The following NRCAM variants were observed in gnomAD, a reference collection of about 807,000 sequenced individuals.
NRCAM encodes NgCAM-related cell adhesion molecule.
In NRCAM, 83 loss-of-function variants were observed where a neutral mutation model predicts 156.5. The ratio of observed to expected loss-of-function variants is 0.53; its 90% CI spans 0.44 to 0.64. NRCAM has a LOEUF of 0.64. NRCAM is among the 30% of genes least tolerant of loss of function. The probability of loss-of-function intolerance (pLI) is 0.00; values close to 1 mark genes in which losing one functional copy is unlikely to be tolerated. For synonymous variants in NRCAM, 538 were observed against 563.9 expected (o/e 0.95, Z 0.65); for missense variants, 1,417 against 1,597.3 (o/e 0.89, Z 1.92).
Position 108,239,947 on chromosome 7 carries a change from G to A in NRCAM, c.106+12C>T, listed in dbSNP as rs1459734731. On this transcript the variant is annotated intron_variant, in intron 4 of 32. Coordinates refer to ENST00000379028, the MANE Select transcript of NRCAM (RefSeq NM_001037132.4). ...CTCCTGGGCCTAACAGCTTTAAAAC[G>A]TTAATACTTACGATCAAGAGGTACT... The A allele has an allele frequency of 1.5e-5, 24 of 1,573,394 alleles. No individual in the cohort carries two copies. Among genetic ancestry groups the A allele is most frequent in the Middle Eastern group, 1.7e-4 (1 of 5,978 alleles).
intron 30 of NRCAM, among the ~76,000 whole-genome samples, chr7:108,162,422 T>A (rs1389417959): frequency 6.6e-6 from 1 of 152,260 alleles, no homozygotes; most frequent in Non-Finnish European, 1.5e-5. Context: ...GCATTAAGTC[T>A]CTTAAGCATT....
intron 3 of NRCAM, among the ~76,000 whole-genome samples, chr7:108,278,125 G>A (rs2097710968): frequency 6.6e-6 from 1 of 152,162 alleles, no homozygotes; most frequent in African/African-American, 2.4e-5. Flanking sequence ...TCTCAGAGGG[G>A]CACCCACCTG....
At chr7:108,301,359 A>G (rs2154152391) in intron 3 of NRCAM, among the ~76,000 whole-genome samples, 1 of 152,352 alleles carries the variant, frequency 6.6e-6, no homozygotes, top group South Asian at 2.1e-4. Flanking sequence ...AGAAATTAAA[A>G]TAAGTATTAA....
intron 5 of NRCAM, among the ~76,000 whole-genome samples, chr7:108,236,360 G>A (rs2299998): frequency 0.041 from 6,195 of 152,186 alleles, 194 homozygotes; most frequent in South Asian, 0.11. Flanking sequence ...CAGGGTACTG[G>A]GCAGTGTCAG....
chr7:108,387,714 TC>T (rs1554590497), intron 2 of NRCAM, among the ~76,000 whole-genome samples: 2 of 118,894 alleles, frequency 1.7e-5, no homozygotes, highest in African/African-American at 3.1e-5. Flanking sequence ...TCCCTCCCCC[TC>T]CCCCCACCCC....
In NRCAM at chr7:108,448,705, C is replaced by T. The variant is rs185252225; in HGVS notation, c.-332+7538G>A. On this transcript the variant is annotated intron_variant, in intron 1 of 32. Transcript: ENST00000379028. The stretch of plus-strand genomic sequence containing the variant: ...TGAAATGTTTTCAATCAGATGCTGC[C>T]TACCAAAATGAATGGAAAACCATGT... 1.5e-4 allele frequency among the ~76,000 whole-genome samples: 23 copies of T among 152,192 alleles called. No homozygotes were observed. The East Asian group carries it at 4.3e-3, about 28-fold the overall frequency.
intron 2 of NRCAM, among the ~76,000 whole-genome samples, chr7:108,337,505 C>T (rs544473339): frequency 6.6e-6 from 1 of 152,280 alleles, no homozygotes; most frequent in East Asian, 1.9e-4. Flanking sequence ...AGCGAGGGGC[C>T]CATTGCCACT....
At chr7:108,406,142 T>G (rs1401855111) in intron 1 of NRCAM, among the ~76,000 whole-genome samples, 1 of 151,878 alleles carries the variant, frequency 6.6e-6, no homozygotes, top group African/African-American at 2.4e-5. Context: ...ATAAAGGGCT[T>G]AGGTGGTCCA....
chr7:108,197,374 A>T (rs383341), intron 14 of NRCAM, among the ~76,000 whole-genome samples: 105,332 of 152,056 alleles, frequency 0.69, 38,234 homozygotes, highest in East Asian at 0.88. Context: ...TATAATTCCC[A>T]GGCACCATGA....
In NRCAM at chr7:108,336,452, G is replaced by C. The variant is rs112867401; in HGVS notation, c.-173-23721C>G. On this transcript the variant is annotated intron_variant, in intron 2 of 32. Coordinates refer to ENST00000379028, the MANE Select transcript of NRCAM (RefSeq NM_001037132.4). ...TAGGAATTAACAACTAAAACGACTT[G>C]CCTTTCAAACAACATTATGAATTTT... Among the ~76,000 whole-genome samples the C allele has an allele frequency of 5.8e-3, 881 of 152,312 alleles. 9 individuals are homozygous for C. Among genetic ancestry groups the C allele is most frequent in the African/African-American group, 0.02 (840 of 41,574 alleles).
chr7:108,412,272 C>A (rs200057699), intron 1 of NRCAM, among the ~76,000 whole-genome samples: 4 of 150,492 alleles, frequency 2.7e-5, no homozygotes, highest in African/African-American at 7.3e-5. Context: ...AAAAAAAACC[C>A]AAAAAACGAT....
At chr7:108,201,028 T>C (rs2077747824) in intron 13 of NRCAM, among the ~76,000 whole-genome samples, 1 of 152,034 alleles carries the variant, frequency 6.6e-6, no homozygotes, top group South Asian at 2.1e-4. Flanking sequence ...ATATATTGGG[T>C]ACAGTGTGTA....
At chr7:108,437,011 A>C (rs1833005526) in intron 1 of NRCAM, among the ~76,000 whole-genome samples, 2 of 152,246 alleles carry the variant, frequency 1.3e-5, no homozygotes, top group South Asian at 4.1e-4. Context: ...ACTTGAAGGC[A>C]ACCTAAGTGT....
chr7:108,435,914 C>T (rs1406865402), intron 1 of NRCAM, among the ~76,000 whole-genome samples: 2 of 152,188 alleles, frequency 1.3e-5, no homozygotes, highest in South Asian at 2.1e-4. Flanking sequence ...GGGTGGATCA[C>T]GAGGGTAGGA....
chr7:108,318,039 CTTTTT>C (rs779703662), intron 2 of NRCAM, among the ~76,000 whole-genome samples: 10 of 72,850 alleles, frequency 1.4e-4, no homozygotes, highest in South Asian at 1.2e-3. Context: ...TTCACTTTTC[CTTTTT>C]TTTTTTTTTT....
At chr7:108,359,240 T>C (rs1465108755) in intron 2 of NRCAM, among the ~76,000 whole-genome samples, 2 of 152,228 alleles carry the variant, frequency 1.3e-5, no homozygotes, top group African/African-American at 4.8e-5. Flanking sequence ...GATGTAAGTC[T>C]TGCCTTTAAT....
intron 3 of NRCAM, among the ~76,000 whole-genome samples, chr7:108,280,419 T>C (rs2097806381): frequency 6.6e-6 from 1 of 152,224 alleles, no homozygotes; most frequent in African/African-American, 2.4e-5. Flanking sequence ...ACCCTAAGCA[T>C]ATCCAGCAGT....
intron 3 of NRCAM, among the ~76,000 whole-genome samples, chr7:108,283,704 T>TTGC (rs1384739401): frequency 1.3e-5 from 2 of 152,200 alleles, no homozygotes; most frequent in African/African-American, 4.8e-5. Flanking sequence ...TGTTGACCCC[T>TTGC]TGCTACCTTC....
rs2098533358 is a variant in NRCAM at position 108,299,134 on chromosome 7, G to GAAAGA, written c.-107+13526_-107+13530dup. On this transcript the variant is annotated intron_variant, in intron 3 of 32. Transcript: ENST00000379028. Reference sequence around the variant, plus strand: ...AAAAAAAAAGAAAGAAAGAAAGAAAGAAAGAAAAGAAAAGTAAAAAAAAAA... The same window carrying GAAAGA: ...AAAAAAAAAGAAAGAAAGAAAGAAAGAAAGAAAAGAAAAGAAAAGTAAAAAAAAAA... Among the ~76,000 whole-genome samples the GAAAGA allele has an allele frequency of 5.8e-5, 5 of 85,608 alleles. No individual in the cohort carries two copies. In the East Asian group the frequency reaches 1.2e-3, roughly 21 times the overall value. The allele number at this position is 85,608 out of a possible 152,430, so 56.2% of individuals were successfully genotyped here.
Sources: gnomAD v4.1 joint callset for allele counts (sites outside exome capture counted in the v4.1 genomes callset) on GRCh38, gnomAD v4.1.1 for gene constraint, MANE v1.5 for transcripts, NCBI Gene and HGNC (gene_info 2026-07-23, HGNC 2026-07-21) for gene names.